Variants in KLHL1 observed in about 807,000 individuals in gnomAD.
KLHL1 encodes kelch like family member 1.
KLHL1 carries 47 observed loss-of-function variants against 77.7 expected under a neutral mutation model. The ratio of observed to expected loss-of-function variants is 0.60; its 90% CI spans 0.48 to 0.77. The LOEUF is 0.77. Ranked by LOEUF, KLHL1 falls within the 30% of genes least tolerant of loss-of-function variation. KLHL1 has a pLI of 0.00. For synonymous variants in KLHL1, 360 were observed against 325.2 expected (o/e 1.11, Z -1.15); for missense variants, 925 against 910.8 (o/e 1.02, Z -0.20).
intron 4 of KLHL1, among the ~76,000 whole-genome samples, chr13:69,914,416 T>A (rs1317686309): frequency 6.6e-6 from 1 of 152,164 alleles, no homozygotes; most frequent in Non-Finnish European, 1.5e-5. Flanking sequence ...CAAAAACTGT[T>A]CTCATTTTCT....
intron 1 of KLHL1, among the ~76,000 whole-genome samples, chr13:70,093,230 T>A (rs1887710017): frequency 1.3e-5 from 2 of 152,000 alleles, no homozygotes; most frequent in African/African-American, 4.8e-5. Context: ...AAAGGCAAGA[T>A]GAAGTGAGGG....
At chr13:70,005,551 A>G (rs1004072723) in intron 1 of KLHL1, among the ~76,000 whole-genome samples, 2 of 151,630 alleles carry the variant, frequency 1.3e-5, no homozygotes, top group Admixed American at 6.6e-5. Flanking sequence ...TCTTCTTCCA[A>G]TGTGGCCCAG....
intron 2 of KLHL1, among the ~76,000 whole-genome samples, chr13:69,965,365 G>A (rs1470007083): frequency 6.6e-6 from 1 of 152,142 alleles, no homozygotes; most frequent in African/African-American, 2.4e-5. Context: ...AGTGATCTTT[G>A]ATGTTACAAT....
chr13:69,983,494 A>G (rs750103057), intron 1 of KLHL1, among the ~76,000 whole-genome samples: 14 of 151,010 alleles, frequency 9.3e-5, no homozygotes, highest in Non-Finnish European at 1.6e-4. Flanking sequence ...TAGTCCTACC[A>G]CTTTGGGAGG....
intron 1 of KLHL1, among the ~76,000 whole-genome samples, chr13:70,066,389 A>C (rs1047317321): frequency 6.6e-6 from 1 of 152,208 alleles, no homozygotes; most frequent in African/African-American, 2.4e-5. Context: ...ACCTAGAGAT[A>C]AGAACTTAAG....
chr13:69,853,565 G>C (rs780221801), intron 5 of KLHL1, among the ~76,000 whole-genome samples: 2 of 151,958 alleles, frequency 1.3e-5, no homozygotes, highest in Non-Finnish European at 2.9e-5. Context: ...TCCTGGACTT[G>C]CATATCAGTA....
chr13:69,719,182 ACG>A (rs1593770175), intron 9 of KLHL1, among the ~76,000 whole-genome samples, 185 bp downstream of exon 9: 1 of 29,766 alleles, frequency 3.4e-5, no homozygotes, highest in Non-Finnish European at 9.3e-5. Flanking sequence ...AAAAGAAAGT[ACG>A]TGTGTGTGTG....
intron 4 of KLHL1, among the ~76,000 whole-genome samples, chr13:69,900,121 T>G (rs775212968): frequency 1.3e-5 from 2 of 152,166 alleles, no homozygotes; most frequent in African/African-American, 4.8e-5. Context: ...TTTTCTGGAA[T>G]AGATGAATAC....
intron 7 of KLHL1, among the ~76,000 whole-genome samples, chr13:69,756,968 A>C (rs932917727): frequency 3.9e-5 from 6 of 152,164 alleles, no homozygotes; most frequent in East Asian, 3.9e-4. Context: ...AACAAACAAA[A>C]AAAACTCCAG....
In KLHL1 at chr13:70,075,584, TATATACAC is replaced by T. The variant is rs1202531992; in HGVS notation, c.497+31611_497+31618del. Among the ~76,000 whole-genome samples, 56 of 111,560 alleles carry T rather than the reference TATATACAC, an allele frequency of 5.0e-4. 1 individual carries two copies. The highest frequency in any genetic ancestry group is 1.8e-3 in the African/African-American group (54 of 30,494). The allele number at this position is 111,560 out of a possible 152,430, so 73.2% of individuals were successfully genotyped here. Reference sequence around the variant, plus strand: ...GTGTGTATGTGTATATATATATATATATATACACACACACACATATATATAGGACTTAC... The same window carrying T: ...GTGTGTATGTGTATATATATATATATACACACACATATATATAGGACTTAC... On this transcript the variant is annotated intron_variant, in intron 1 of 10. Coordinates refer to ENST00000377844, the MANE Select transcript of KLHL1 (RefSeq NM_020866.3).
In KLHL1 at chr13:70,107,597, C is replaced by G. The variant is rs780150653; in HGVS notation, c.103G>C (p.Gly35Arg). 1 of 1,598,560 alleles carries G rather than the reference C, an allele frequency of 6.3e-7. No individual in the cohort carries two copies. The highest frequency in any genetic ancestry group is 2.2e-5 in the East Asian group (1 of 44,790). The change falls in exon 1 of 11, where the codon GGA becomes CGA. Residue 35 changes from glycine to arginine, a missense_variant. Coordinates refer to ENST00000377844, the MANE Select transcript of KLHL1 (RefSeq NM_020866.3). ...PSPSTGGPAG[G>R]GCLQQDGSGS... ...CTGCCGTCCTGTTGCAGGCAGCCTCCCCCCGCCGGGCCGCCGGTGGAAGGA... is the reference window on the plus strand; with the variant it reads ...CTGCCGTCCTGTTGCAGGCAGCCTCGCCCCGCCGGGCCGCCGGTGGAAGGA...
At chr13:69,857,473 C>T (rs570803168) in intron 5 of KLHL1, among the ~76,000 whole-genome samples, 1 of 152,044 alleles carries the variant, frequency 6.6e-6, no homozygotes, top group South Asian at 2.1e-4. Flanking sequence ...AAAAGGTCTG[C>T]CACAGAGTTG....
chr13:69,931,295 T>A (rs1593960398), intron 4 of KLHL1, among the ~76,000 whole-genome samples: 1 of 151,892 alleles, frequency 6.6e-6, no homozygotes, highest in East Asian at 1.9e-4. Flanking sequence ...GTGAAATAGT[T>A]CATTTTGCTG....
At chr13:69,978,594 C>A (rs1433727504) in intron 1 of KLHL1, among the ~76,000 whole-genome samples, 1 of 151,462 alleles carries the variant, frequency 6.6e-6, no homozygotes, top group Non-Finnish European at 1.5e-5. Flanking sequence ...TCAAGTGATT[C>A]TCCTGCCTCA....
rs1884065354 is a variant in KLHL1 at position 69,961,552 on chromosome 13, T to C, written c.681-108A>G. 3 of 1,165,816 alleles carry C rather than the reference T, an allele frequency of 2.6e-6. No individual in the cohort carries two copies. The Admixed American group carries it at 6.6e-5, about 26-fold the overall frequency. 72.2% of individuals were successfully genotyped at this position (1,165,816 alleles called of 1,614,324 possible). On this transcript the variant is annotated intron_variant, in intron 2 of 10. Transcript: ENST00000377844. ...AAAATCAATCTATTGATCAATCAAT[T>C]AATGCATTTTATTTATTGCCTCATG...
intron 7 of KLHL1, among the ~76,000 whole-genome samples, chr13:69,785,422 A>G (rs1056518780): frequency 2.4e-4 from 36 of 152,170 alleles, no homozygotes; most frequent in African/African-American, 8.4e-4. Flanking sequence ...ACATAACGAA[A>G]TGAAGGCAGA....
chr13:69,855,224 C>A (rs993128558), intron 5 of KLHL1, among the ~76,000 whole-genome samples: 13 of 151,784 alleles, frequency 8.6e-5, no homozygotes, highest in African/African-American at 3.1e-4. Flanking sequence ...TGTAGAAAGA[C>A]TTTGTGTCAG....
rs182926443 is a variant in KLHL1 at position 70,098,076 on chromosome 13, C to T, written c.497+9127G>A. ...TCTAATGGAGGCTTGTCACATGCTG[C>T]AAGCATTTTCTATCTAGTTTCATTA... is the stretch of plus-strand genomic sequence containing the variant. On this transcript the variant is annotated intron_variant, in intron 1 of 10. Coordinates refer to ENST00000377844, the MANE Select transcript of KLHL1 (RefSeq NM_020866.3). Among the ~76,000 whole-genome samples the T allele has an allele frequency of 2.7e-3, 416 of 151,936 alleles. 1 individual carries two copies. Among genetic ancestry groups the T allele is most frequent in the African/African-American group, 9.7e-3 (401 of 41,532 alleles).
chr13:70,091,494 T>C (rs79779586), intron 1 of KLHL1, among the ~76,000 whole-genome samples: 2,096 of 152,204 alleles, frequency 0.014, 114 homozygotes, highest in Admixed American at 0.1. Context: ...AAAGAGTCCA[T>C]CCACATCACA....
Sources: allele counts gnomAD v4.1 joint callset (sites outside exome capture counted in the v4.1 genomes callset), GRCh38; gene constraint gnomAD v4.1.1; transcripts MANE v1.5; gene names NCBI Gene and HGNC (gene_info 2026-07-23, HGNC 2026-07-21).